Variants in NAA25 observed in about 807,000 individuals in gnomAD.
NAA25 encodes the protein N-terminal acetyltransferase B complex subunit NAA25.
NAA25 carries 30 observed loss-of-function variants against 132.5 expected under a neutral mutation model. The ratio of observed to expected loss-of-function variants is 0.23; its 90% CI spans 0.17 to 0.31. The LOEUF is 0.31. Among genes scored for constraint, NAA25 ranks in the 10% least tolerant of loss-of-function variants. NAA25 has a pLI of 1.00. For missense variants in NAA25, 771 were observed against 1,150.4 expected, an observed-to-expected ratio of 0.67 and a Z score of 4.77; for synonymous variants, 359 against 401.9, an observed-to-expected ratio of 0.89 and a Z score of 1.28.
rs954140813 is a variant in NAA25 at position 112,027,060 on chromosome 12, G to A, written c.*2471C>T. 6.6e-6 allele frequency: 1 copy of A among 152,486 alleles called. No individual in the cohort carries two copies. The highest frequency in any genetic ancestry group is 1.5e-5 in the Non-Finnish European group (1 of 68,004). 9.4% of individuals were successfully genotyped at this position (152,486 alleles called of 1,614,324 possible). A position where few individuals can be genotyped will look rare whatever the true frequency, so the allele number is the denominator to read the frequency against. On this transcript the variant is annotated 3_prime_UTR_variant, in exon 24 of 24. Transcript: ENST00000261745. ...ATCAGATAAATGATTTAAACCAAATGTTTGCTTTGGAGAGTCTTAACTTAG... is the reference window on the plus strand; with the variant it reads ...ATCAGATAAATGATTTAAACCAAATATTTGCTTTGGAGAGTCTTAACTTAG...
At chr12:112,075,485 AG>A (rs2078882667) in intron 8 of NAA25, among the ~76,000 whole-genome samples, 192 bp downstream of exon 8, 1 of 152,144 alleles carries the variant, frequency 6.6e-6, no homozygotes, top group Non-Finnish European at 1.5e-5. Flanking sequence ...CACCATGCCC[AG>A]CCTACAAGTA....
At chr12:112,101,907 C>T (rs1169317208) in intron 1 of NAA25, among the ~76,000 whole-genome samples, 1 of 149,614 alleles carries the variant, frequency 6.7e-6, no homozygotes, top group African/African-American at 2.5e-5. Context: ...AGCTTTGTCA[C>T]CCAGGCTGCA....
In NAA25 at chr12:112,052,615, T is replaced by C. The variant is rs185764973; in HGVS notation, c.1728+943A>G. On this transcript the variant is annotated intron_variant, in intron 15 of 23. Transcript: ENST00000261745. ...TATATCCCATGTTCAGAAATGCTTC[T>C]ATTTAATACAATACACCCTTAAAGA... Among the ~76,000 whole-genome samples, 275 of 152,324 alleles carry C rather than the reference T, an allele frequency of 1.8e-3. 1 individual carries two copies. Among genetic ancestry groups the C allele is most frequent in the Non-Finnish European group, 1.6e-3 (110 of 68,028 alleles).
At chr12:112,068,837 A>C (rs766049957) in intron 11 of NAA25, 43 bp downstream of exon 11, 10 of 1,111,124 alleles carry the variant, frequency 9.0e-6, no homozygotes, top group Admixed American at 2.4e-5. Flanking sequence ...GTGTTTCAAC[A>C]AATAGAGGCA....
intron 4 of NAA25, among the ~76,000 whole-genome samples, chr12:112,085,342 A>G (rs2079030581): frequency 6.6e-6 from 1 of 152,198 alleles, no homozygotes; most frequent in Non-Finnish European, 1.5e-5. Context: ...CAGTAAGCTG[A>G]GATCACGCCA....
At chr12:112,064,576 T>C (rs2078686889) in intron 11 of NAA25, among the ~76,000 whole-genome samples, 1 of 152,190 alleles carries the variant, frequency 6.6e-6, no homozygotes, top group Non-Finnish European at 1.5e-5. Context: ...CTACTGCCAG[T>C]TCTTCTATTC....
chr12:112,049,114 A>G lies in NAA25; in HGVS notation c.1729-671T>C, dbSNP rs779644909. ...AAGACCTCTGCTGGAAATTTCCTTAAACAAGTATGTGAAGGGAACATTCAC... is the reference window on the plus strand; with the variant it reads ...AAGACCTCTGCTGGAAATTTCCTTAGACAAGTATGTGAAGGGAACATTCAC... On this transcript the variant is annotated intron_variant, in intron 15 of 23. Coordinates refer to ENST00000261745, the MANE Select transcript of NAA25 (RefSeq NM_024953.4). This position sits in a 1 kb window ranked among gnomAD's most constrained non-coding sequence, Gnocchi z 4.7. Among the ~76,000 whole-genome samples, 1 of 152,174 alleles carries G rather than the reference A, an allele frequency of 6.6e-6. No homozygotes were observed. The highest frequency in any genetic ancestry group is 2.4e-5 in the African/African-American group (1 of 41,436).
chr12:112,058,691 C>T (rs945784823), intron 13 of NAA25, among the ~76,000 whole-genome samples: 6 of 151,734 alleles, frequency 4.0e-5, no homozygotes, highest in Non-Finnish European at 5.9e-5. Context: ...TGGGAGGCCG[C>T]GGCGGGTGGA....
Position 112,061,268 on chromosome 12 carries a change from G to A in NAA25, c.1270C>T (p.Leu424Phe), listed in dbSNP as rs745984153. The change falls in exon 12 of 24, where the codon CTT (leucine) becomes TTT (phenylalanine). Residue 424 changes from leucine (L) to phenylalanine (F), a missense_variant. By Grantham distance (22) the Leu-to-Phe change is conservative. This residue lies in a region of NAA25 where 417 missense variants were observed against 733.8 expected (regional missense o/e 0.57). Transcript: ENST00000261745. ...HLCVVQLTRL[L>F]GLYHTMDKNQ... ...TTATCCATGGTGTGGTACAAGCCAA[G>A]TAACCTCGTCAGCTGCACCACACAC... 3 of 1,614,174 alleles carry A rather than the reference G, an allele frequency of 1.9e-6. No homozygotes were observed. The highest frequency in any genetic ancestry group is 1.7e-6 in the Non-Finnish European group (2 of 1,180,044).
chr12:112,107,390 T>TTTG lies in NAA25; in HGVS notation c.58+1323_58+1325dup, dbSNP rs571898342. On this transcript the variant is annotated intron_variant, in intron 1 of 23. Coordinates refer to ENST00000261745, the MANE Select transcript of NAA25 (RefSeq NM_024953.4). ...CTCAGTTTCCTCATCTGTTTTTTTT[T>TTTG]TTGTTGTTGTTGTTGTTAAAGGGTT... Among the ~76,000 whole-genome samples the TTTG allele has an allele frequency of 9.9e-5, 15 of 152,090 alleles. No homozygotes were observed. In the East Asian group the frequency reaches 1.5e-3, roughly 16 times the overall value.
intron 17 of NAA25, 60 bp from the exon 18 acceptor site, chr12:112,043,928 ATTTTTTT>A: frequency 7.6e-7 from 1 of 1,310,692 alleles, no homozygotes; most frequent in East Asian, 2.5e-5. Flanking sequence ...ATTGCTTTCA[ATTTTTTT>A]TTTTTTTTTT....
rs2078107054 is a variant in NAA25, at chr12:112,028,249, C to T, written c.*1282G>A. 6.6e-6 allele frequency: 1 copy of T among 152,408 alleles called. No homozygotes were observed. The highest frequency in any genetic ancestry group is 2.1e-4 in the South Asian group (1 of 4,830). 9.4% of individuals were successfully genotyped at this position (152,408 alleles called of 1,614,324 possible). A position where few individuals can be genotyped will look rare whatever the true frequency, so the allele number is the denominator to read the frequency against. ...CATCAAATTCATTTCTTTGCTCTTA[C>T]AGAATTAAACTTGAACTATATTTAG... On this transcript the variant is annotated 3_prime_UTR_variant, in exon 24 of 24. Transcript: ENST00000261745.
chr12:112,079,530 G>T (rs1204332942), intron 5 of NAA25, among the ~76,000 whole-genome samples: 1 of 151,766 alleles, frequency 6.6e-6, no homozygotes, highest in East Asian at 1.9e-4. Context: ...AGGAGGTGCA[G>T]TAAGCTGAGG....
In NAA25 at chr12:112,053,616, G is replaced by T; in HGVS notation, c.1670C>A (p.Ala557Asp). 1 of 1,608,466 alleles carries T rather than the reference G, an allele frequency of 6.2e-7. No homozygotes were observed. The highest frequency in any genetic ancestry group is 8.5e-7 in the Non-Finnish European group (1 of 1,177,004). Residue 557 changes from alanine to aspartate, a missense_variant, in exon 15 of 24, where the codon GCT becomes GAT. Coordinates refer to ENST00000261745, the MANE Select transcript of NAA25 (RefSeq NM_024953.4). Reference sequence around the variant, plus strand: ...GAAGTTACAGGATTGGGACGCAGCAGCATACTGACCTAGAGATTCAGCATA... The same window carrying T: ...GAAGTTACAGGATTGGGACGCAGCATCATACTGACCTAGAGATTCAGCATA... ...TRYAESLGQY[A>D]AASQSCNFAL...
At chr12:112,092,953 G>C (rs2079157847) in intron 2 of NAA25, 98 bp downstream of exon 2, 1 of 811,038 alleles carries the variant, frequency 1.2e-6, no homozygotes, top group Admixed American at 2.5e-5. Flanking sequence ...TGGGATTACA[G>C]GCTTGAGCCA....
intron 14 of NAA25, among the ~76,000 whole-genome samples, 164 bp from the exon 15 acceptor site, chr12:112,053,821 T>TAA (rs4041251): frequency 0.019 from 2,183 of 114,304 alleles, 34 homozygotes; most frequent in African/African-American, 0.031. Context: ...AGTTAAAATT[T>TAA]AAAAAAAAAA....
Position 112,042,095 on chromosome 12 carries a change from AT to A in NAA25, c.2383del (p.Met795TrpfsTer7). The A allele has an allele frequency of 6.8e-7, 1 of 1,467,086 alleles. No individual in the cohort carries two copies. 90.9% of individuals were successfully genotyped at this position (1,467,086 alleles called of 1,614,324 possible). A position where few individuals can be genotyped will look rare whatever the true frequency, so the allele number is the denominator to read the frequency against. On this transcript the variant is annotated frameshift_variant, in exon 20 of 24. Transcript: ENST00000261745. LOFTEE classifies it high-confidence loss of function. ...ATTTTCTATTCGTTCCTGAATCTCC[AT>A]TGTATCCTCTAAAATTGAAAAACAA... Reference protein sequence around the residue: ...ELDTSGLEDTMEIQERIENSF... With the variant: ...ELDTSGLEDTXEIQERIENSF...
intron 13 of NAA25, among the ~76,000 whole-genome samples, chr12:112,059,687 T>A (rs561814686): frequency 6.6e-6 from 1 of 152,246 alleles, no homozygotes; most frequent in Non-Finnish European, 1.5e-5. Context: ...GTATTTTAAT[T>A]TTTGTAGCTT....
intron 4 of NAA25, among the ~76,000 whole-genome samples, chr12:112,086,916 C>G (rs944307650): frequency 6.6e-6 from 1 of 151,088 alleles, no homozygotes; most frequent in Non-Finnish European, 1.5e-5. Context: ...GAGGCTGAGG[C>G]AGAATAGCTT....
Sources: allele counts gnomAD v4.1 joint callset (sites outside exome capture counted in the v4.1 genomes callset), GRCh38; gene constraint gnomAD v4.1.1; regional missense constraint gnomAD v4.1.1; non-coding constraint Gnocchi (gnomAD v3.1); transcripts MANE v1.5; gene names NCBI Gene and HGNC (gene_info 2026-07-23, HGNC 2026-07-21).